PARD3: variants seen among roughly 807,000 people sequenced by gnomAD.
PARD3 encodes the protein partitioning defective 3 homolog.
PARD3 carries 75 observed loss-of-function variants against 155.4 expected under a neutral mutation model. That is an observed-to-expected ratio of 0.48 (90% CI 0.40 to 0.58). The LOEUF is 0.58. Ranked by LOEUF, PARD3 falls within the 20% of genes least tolerant of loss-of-function variation. The pLI is 0.00. For missense variants in PARD3, 1,642 were observed against 1,721.7 expected (o/e 0.95, Z 0.82); for synonymous variants, 576 against 610.5 (o/e 0.94, Z 0.83).
chr10:34,354,635 C>T (rs954826299), intron 14 of PARD3, among the ~76,000 whole-genome samples: 7 of 152,114 alleles, frequency 4.6e-5, no homozygotes, highest in Admixed American at 6.6e-5. Flanking sequence ...TGAAAGACTG[C>T]GTTAAGTCTT....
intron 12 of PARD3, among the ~76,000 whole-genome samples, chr10:34,367,418 CCTT>C (rs1840069044): frequency 1.3e-5 from 2 of 152,306 alleles, no homozygotes; most frequent in South Asian, 4.1e-4. Flanking sequence ...AAAATGTCCT[CCTT>C]CTGGCCAGGC....
intron 2 of PARD3, among the ~76,000 whole-genome samples, chr10:34,592,605 G>A (rs988416090): frequency 1.3e-5 from 2 of 152,004 alleles, no homozygotes; most frequent in Non-Finnish European, 2.9e-5. Context: ...GTGAAACCCT[G>A]TCTCTACTAA....
At chr10:34,261,122 C>T (rs1026136689) in intron 22 of PARD3, among the ~76,000 whole-genome samples, 22 of 152,036 alleles carry the variant, frequency 1.4e-4, no homozygotes, top group African/African-American at 4.8e-4. Context: ...TATTTTATTC[C>T]CATTATATTT....
intron 1 of PARD3, among the ~76,000 whole-genome samples, chr10:34,728,908 C>T (rs2094766620): frequency 6.6e-6 from 1 of 152,144 alleles, no homozygotes; most frequent in African/African-American, 2.4e-5. Flanking sequence ...GACAGTGGTC[C>T]CATAAGATTG....
chr10:34,251,031 T>C (rs989016208), intron 22 of PARD3, among the ~76,000 whole-genome samples: 11 of 152,190 alleles, frequency 7.2e-5, no homozygotes, highest in Non-Finnish European at 1.5e-4. Context: ...TCTCCTGTTA[T>C]GGAAATTAAT....
chr10:34,684,292 A>T (rs2093901510), intron 2 of PARD3, among the ~76,000 whole-genome samples: 1 of 152,182 alleles, frequency 6.6e-6, no homozygotes, highest in African/African-American at 2.4e-5. Flanking sequence ...CTACCCCTCA[A>T]ACTTTTTCTA....
chr10:34,251,912 T>C (rs1169490491), intron 22 of PARD3, among the ~76,000 whole-genome samples: 1 of 152,120 alleles, frequency 6.6e-6, no homozygotes, highest in African/African-American at 2.4e-5. Context: ...ATTGAACATA[T>C]TTGAATGTCT....
intron 23 of PARD3, among the ~76,000 whole-genome samples, chr10:34,124,806 G>A (rs1257819030): frequency 6.6e-6 from 1 of 152,130 alleles, no homozygotes; most frequent in Non-Finnish European, 1.5e-5. Context: ...CCCATCTTAA[G>A]CAATAGGAAC....
At chr10:34,427,056 A>T (rs1397121858) in intron 5 of PARD3, among the ~76,000 whole-genome samples, 5 of 152,112 alleles carry the variant, frequency 3.3e-5, no homozygotes, top group Non-Finnish European at 7.3e-5. Flanking sequence ...TAAGCTGAGG[A>T]TGTATGTCGC....
At chr10:34,267,795 T>C (rs1955400143) in intron 22 of PARD3, among the ~76,000 whole-genome samples, 2 of 152,132 alleles carry the variant, frequency 1.3e-5, no homozygotes, top group East Asian at 1.9e-4. Context: ...GGTACCAGCA[T>C]CAAACCTGGA....
At chr10:34,727,784 G>A (rs1259810869) in intron 1 of PARD3, among the ~76,000 whole-genome samples, 2 of 151,060 alleles carry the variant, frequency 1.3e-5, no homozygotes, top group African/African-American at 4.9e-5. Flanking sequence ...TACTGCAGGT[G>A]AAACACAAGT....
chr10:34,737,651 C>A (rs938038230), intron 1 of PARD3, among the ~76,000 whole-genome samples: 1 of 152,170 alleles, frequency 6.6e-6, no homozygotes, highest in Non-Finnish European at 1.5e-5. Context: ...CTCGGCTCCC[C>A]CACCACGTGA....
intron 23 of PARD3, among the ~76,000 whole-genome samples, chr10:34,120,921 A>G (rs1035069235): frequency 6.6e-6 from 1 of 152,120 alleles, no homozygotes; most frequent in African/African-American, 2.4e-5. Flanking sequence ...AGTCAGGTGC[A>G]GTGGCACATG....
At chr10:34,747,911 T>A (rs945759187) in intron 1 of PARD3, among the ~76,000 whole-genome samples, 10 of 152,192 alleles carry the variant, frequency 6.6e-5, no homozygotes, top group African/African-American at 2.4e-4. Flanking sequence ...AAAAATCTTG[T>A]ACTCACTGGT....
intron 2 of PARD3, among the ~76,000 whole-genome samples, chr10:34,547,709 A>G (rs2084205177): frequency 6.6e-6 from 1 of 152,172 alleles, no homozygotes; most frequent in Admixed American, 6.5e-5. Context: ...CCAAGTGGTG[A>G]CTCCAATTAA....
chr10:34,759,184 C>CT (rs535466956), intron 1 of PARD3, among the ~76,000 whole-genome samples: 63 of 149,358 alleles, frequency 4.2e-4, no homozygotes, highest in Admixed American at 6.0e-4. Flanking sequence ...ATATGAAGCA[C>CT]TTTTTTTTTT....
At chr10:34,814,515 T>C (rs1329541190) in intron 1 of PARD3, among the ~76,000 whole-genome samples, 1 of 151,724 alleles carries the variant, frequency 6.6e-6, no homozygotes, top group Non-Finnish European at 1.5e-5. Flanking sequence ...TTTCCCGGCC[T>C]GCGCCCCCCG....
intron 2 of PARD3, among the ~76,000 whole-genome samples, chr10:34,605,931 CTA>C (rs56107450): frequency 0.064 from 1,417 of 22,308 alleles, 159 homozygotes; most frequent in Admixed American, 0.091. Flanking sequence ...TATATATCTC[CTA>C]TATATATATA....
intron 2 of PARD3, among the ~76,000 whole-genome samples, chr10:34,591,929 C>T (rs376655026): frequency 2.6e-5 from 4 of 152,066 alleles, no homozygotes; most frequent in African/African-American, 4.8e-5. Context: ...GCCTAAGGTA[C>T]GATGGATGGT....
Sources: gnomAD v4.1 joint callset for allele counts (sites outside exome capture counted in the v4.1 genomes callset) on GRCh38, gnomAD v4.1.1 for gene constraint, MANE v1.5 for transcripts, NCBI Gene and HGNC (gene_info 2026-07-23, HGNC 2026-07-21) for gene names.